The following PCDH9 variants were observed in gnomAD, a reference collection of about 807,000 sequenced individuals.
The protein encoded by PCDH9 is protocadherin-9.
Under a neutral mutation model 70.6 loss-of-function variants are expected in PCDH9, and 24 were observed. That is an observed-to-expected ratio of 0.34 (90% CI 0.25 to 0.48). The LOEUF (loss-of-function observed/expected upper bound fraction) is 0.48, where lower values mean the gene tolerates loss of function less well. PCDH9 is among the 20% of genes least tolerant of loss of function. PCDH9 has a pLI of 0.99. For synonymous variants in PCDH9, 562 were observed against 558.5 expected, an observed-to-expected ratio of 1.01 and a Z score of -0.09; for missense variants, 1,281 against 1,503.6, an observed-to-expected ratio of 0.85 and a Z score of 2.45.
intron 2 of PCDH9, among the ~76,000 whole-genome samples, chr13:67,109,871 G>C (rs564649228): frequency 1.3e-5 from 2 of 152,154 alleles, no homozygotes; most frequent in Admixed American, 6.5e-5. Context: ...CATATGTGAT[G>C]AATCTCTGGG....
At chr13:66,963,204 C>T (rs1675687393) in intron 2 of PCDH9, among the ~76,000 whole-genome samples, 2 of 152,232 alleles carry the variant, frequency 1.3e-5, no homozygotes, top group South Asian at 2.1e-4. Flanking sequence ...TGCCAACACT[C>T]ATCACCTGTT....
intron 3 of PCDH9, among the ~76,000 whole-genome samples, chr13:66,669,583 G>A (rs2078143939): frequency 6.6e-6 from 1 of 152,156 alleles, no homozygotes; most frequent in Non-Finnish European, 1.5e-5. Context: ...TTCCTAATGA[G>A]CAGCCGGAGC....
intron 4 of PCDH9, among the ~76,000 whole-genome samples, chr13:66,459,561 A>T (rs2138448748): frequency 6.6e-6 from 1 of 151,958 alleles, no homozygotes; most frequent in East Asian, 1.9e-4. Flanking sequence ...AAAATGTAAA[A>T]CCACAAAACA....
intron 4 of PCDH9, among the ~76,000 whole-genome samples, chr13:66,349,205 G>A (rs1177364423): frequency 6.6e-6 from 1 of 152,124 alleles, no homozygotes; most frequent in Admixed American, 6.6e-5. Flanking sequence ...CTGGAGGAGG[G>A]AGGATGGCAC....
intron 2 of PCDH9, among the ~76,000 whole-genome samples, chr13:67,093,873 G>A (rs1407113417): frequency 1.3e-5 from 2 of 152,036 alleles, no homozygotes. Flanking sequence ...ATTTTTCTTG[G>A]TAAATTTACT....
At chr13:66,460,585 A>G (rs987624747) in intron 4 of PCDH9, among the ~76,000 whole-genome samples, 3 of 151,938 alleles carry the variant, frequency 2.0e-5, no homozygotes, top group African/African-American at 7.2e-5. Flanking sequence ...ACTGCAAAGC[A>G]TTGAATGGTT....
At chr13:66,475,113 C>T (rs982686799) in intron 4 of PCDH9, among the ~76,000 whole-genome samples, 2 of 152,060 alleles carry the variant, frequency 1.3e-5, no homozygotes, top group Non-Finnish European at 2.9e-5. Flanking sequence ...AAAGGAATCA[C>T]TGAATATAAC....
chr13:66,370,399 C>A (rs371662651), intron 4 of PCDH9, among the ~76,000 whole-genome samples: 1 of 151,896 alleles, frequency 6.6e-6, no homozygotes, highest in Non-Finnish European at 1.5e-5. Context: ...CTTTTTGTTT[C>A]GGTAAAGTGT....
chr13:66,568,655 G>C (rs866297012), intron 4 of PCDH9, among the ~76,000 whole-genome samples: 27 of 151,742 alleles, frequency 1.8e-4, no homozygotes, highest in Non-Finnish European at 3.4e-4. Flanking sequence ...CTGAATGACA[G>C]GGGAAAAACC....
At chr13:66,666,095 G>A (rs1287901725) in intron 3 of PCDH9, among the ~76,000 whole-genome samples, 1 of 152,232 alleles carries the variant, frequency 6.6e-6, no homozygotes, top group African/African-American at 2.4e-5. Flanking sequence ...GCATGCCACT[G>A]TGTGTGAATG....
chr13:66,722,294 A>C (rs1227167546), intron 3 of PCDH9, among the ~76,000 whole-genome samples: 4 of 152,194 alleles, frequency 2.6e-5, no homozygotes, highest in Non-Finnish European at 5.9e-5. Context: ...AACTGCACTC[A>C]GTGTTTTATG....
chr13:66,535,781 C>T (rs947499467), intron 4 of PCDH9, among the ~76,000 whole-genome samples: 20 of 152,122 alleles, frequency 1.3e-4, no homozygotes, highest in African/African-American at 4.8e-4. Context: ...AGGAAAGGCT[C>T]TGGTTGACAC....
chr13:66,331,905 G>T (rs1235703531), intron 4 of PCDH9, among the ~76,000 whole-genome samples: 1 of 152,162 alleles, frequency 6.6e-6, no homozygotes, highest in African/African-American at 2.4e-5. Flanking sequence ...AAATGAAAAT[G>T]GAGAGAGGGT....
chr13:66,786,919 A>C (rs2139310166), intron 3 of PCDH9, among the ~76,000 whole-genome samples: 1 of 152,356 alleles, frequency 6.6e-6, no homozygotes, highest in Non-Finnish European at 1.5e-5. Context: ...ATGAATTACA[A>C]GAGATGTCGA....
chr13:66,961,920 G>A (rs772516924), intron 2 of PCDH9, among the ~76,000 whole-genome samples: 1 of 151,972 alleles, frequency 6.6e-6, no homozygotes, highest in Non-Finnish European at 1.5e-5. Flanking sequence ...GCATGGTGGC[G>A]TGTGCCGGTA....
intron 3 of PCDH9, among the ~76,000 whole-genome samples, chr13:66,824,731 T>C (rs1319209318): frequency 1.4e-5 from 2 of 145,684 alleles, no homozygotes; most frequent in South Asian, 2.2e-4. Flanking sequence ...CACACACATA[T>C]ATATATATAC....
intron 4 of PCDH9, among the ~76,000 whole-genome samples, chr13:66,452,359 ACT>A (rs1309556282): frequency 2.6e-5 from 4 of 151,704 alleles, no homozygotes; most frequent in African/African-American, 9.7e-5. Context: ...CTCCAAACAA[ACT>A]CTATTTTGCC....
intron 3 of PCDH9, among the ~76,000 whole-genome samples, chr13:66,883,894 G>A (rs990425284): frequency 2.1e-4 from 30 of 142,664 alleles, no homozygotes; most frequent in Non-Finnish European, 3.9e-4. Flanking sequence ...CATCTTGAGC[G>A]TTCATTTTTT....
At chr13:66,574,743 G>A (rs994996231) in intron 4 of PCDH9, among the ~76,000 whole-genome samples, 2 of 152,132 alleles carry the variant, frequency 1.3e-5, no homozygotes, top group African/African-American at 4.8e-5. Flanking sequence ...TTTCTAGCCA[G>A]TCATTCTCGC....
Sources: gnomAD v4.1 joint callset for allele counts (sites outside exome capture counted in the v4.1 genomes callset) on GRCh38, gnomAD v4.1.1 for gene constraint, MANE v1.5 for transcripts, NCBI Gene and HGNC (gene_info 2026-07-23, HGNC 2026-07-21) for gene names.